The following VTCN1 variants were observed in gnomAD, a reference collection of about 807,000 sequenced individuals.
VTCN1 encodes V-set domain containing T cell activation inhibitor 1.
A neutral mutation model predicts 26.5 loss-of-function variants in VTCN1; 26 were observed. The observed-to-expected ratio is 0.98, with a 90% CI of 0.72 to 1.36. VTCN1 has a LOEUF of 1.36. Ranked by LOEUF, VTCN1 falls within the 40% of genes most tolerant of loss-of-function variation. The pLI, the probability that VTCN1 is intolerant of heterozygous loss-of-function variation, is 0.00. For missense variants in VTCN1, 298 were observed against 337.7 expected (o/e 0.88, Z 0.92); for synonymous variants, 116 against 130.7 (o/e 0.89, Z 0.77).
chr1:117,204,516 T>C (rs1648944874), intron 1 of VTCN1, among the ~76,000 whole-genome samples: 1 of 152,144 alleles, frequency 6.6e-6, no homozygotes, highest in Admixed American at 6.5e-5. Flanking sequence ...AAATGTGGTC[T>C]GCTAGGGTCC....
At chr1:117,201,849 T>C (rs1029550575) in intron 1 of VTCN1, among the ~76,000 whole-genome samples, 27 of 152,234 alleles carry the variant, frequency 1.8e-4, no homozygotes, top group African/African-American at 6.0e-4. Context: ...TCATTAATAT[T>C]TGGTCTCTCT....
chr1:117,196,596 T>C (rs1275978669), intron 1 of VTCN1, among the ~76,000 whole-genome samples: 2 of 147,802 alleles, frequency 1.4e-5, no homozygotes, highest in Admixed American at 1.4e-4. Flanking sequence ...AACTCTGCCT[T>C]TTTTTTTTTA....
Position 117,175,379 on chromosome 1 carries a change from C to A in VTCN1, c.33-5208G>T, listed in dbSNP as rs1647277632. 6.6e-6 allele frequency among the ~76,000 whole-genome samples: 1 copy of A among 152,200 alleles called. No homozygotes were observed. Among genetic ancestry groups the A allele is most frequent in the African/African-American group, 2.4e-5 (1 of 41,462 alleles). ...TATAATAAAATAAACACTCCCGCTG[C>A]TGGGTGCTGTGAGCCGGCGTGGTCG... On this transcript the variant is annotated intron_variant, in intron 1 of 5. Coordinates refer to ENST00000369458, the MANE Select transcript of VTCN1 (RefSeq NM_024626.4). The surrounding 1 kb of genome is among the most constrained non-coding windows in gnomAD (Gnocchi z 4.2).
In VTCN1 at chr1:117,161,817, A is replaced by G. The variant is rs1652382538; in HGVS notation, c.98-4896T>C. Among the ~76,000 whole-genome samples, 1 of 152,214 alleles carries G rather than the reference A, an allele frequency of 6.6e-6. No individual in the cohort carries two copies. Among genetic ancestry groups the G allele is most frequent in the Non-Finnish European group, 1.5e-5 (1 of 68,036 alleles). ...ATAAAATCATGAATCAAATACAACT[A>G]TGTTACAGCAAAGGTAAATTTGATG... On this transcript the variant is annotated intron_variant, in intron 2 of 5. Transcript: ENST00000369458. This position sits in a 1 kb window ranked among gnomAD's most constrained non-coding sequence, Gnocchi z 4.3.
intron 2 of VTCN1, among the ~76,000 whole-genome samples, chr1:117,166,668 A>G (rs1326180405): frequency 6.6e-6 from 1 of 151,274 alleles, no homozygotes; most frequent in Non-Finnish European, 1.5e-5. Context: ...AAAAAAAAAA[A>G]AGAAAGAAAA....
At chr1:117,189,811 C>T (rs10923218) in intron 1 of VTCN1, among the ~76,000 whole-genome samples, 117,551 of 152,032 alleles carry the variant, frequency 0.77, 45,675 homozygotes, top group East Asian at 0.99. Context: ...TATTCCCCCA[C>T]AGCAATGTTA....
intron 2 of VTCN1, among the ~76,000 whole-genome samples, chr1:117,158,354 T>C (rs892785969): frequency 2.6e-5 from 4 of 152,204 alleles, no homozygotes; most frequent in Non-Finnish European, 5.9e-5. Flanking sequence ...TAGGTGGAGG[T>C]TCGCAAACCC....
Position 117,189,419 on chromosome 1 carries a change from G to C in VTCN1, c.33-19248C>G, listed in dbSNP as rs892409340. Among the ~76,000 whole-genome samples the C allele has an allele frequency of 7.2e-5, 11 of 152,180 alleles. 1 individual carries two copies. The highest frequency in any genetic ancestry group is 7.2e-4 in the Admixed American group (11 of 15,284). On this transcript the variant is annotated intron_variant, in intron 1 of 5. Coordinates refer to ENST00000369458, the MANE Select transcript of VTCN1 (RefSeq NM_024626.4). ...AGATTTTCATGAGAAGTTGGGTAGAGAAAGAAAAGTCTGTGAGTATTTAAC... is the reference window on the plus strand; with the variant it reads ...AGATTTTCATGAGAAGTTGGGTAGACAAAGAAAAGTCTGTGAGTATTTAAC...
chr1:117,156,504 A>C, intron 3 of VTCN1, 70 bp downstream of exon 3: 1 of 1,418,874 alleles, frequency 7.0e-7, no homozygotes, highest in Non-Finnish European at 9.4e-7. Context: ...CATATTTCAT[A>C]AGCAACTCAT....
intron 1 of VTCN1, among the ~76,000 whole-genome samples, chr1:117,181,431 C>G (rs1184983118): frequency 6.6e-6 from 1 of 152,216 alleles, no homozygotes; most frequent in East Asian, 1.9e-4. Context: ...AGCTATTTTT[C>G]TAACCCTTCT....
chr1:117,167,578 G>T lies in VTCN1; in HGVS notation c.97+2529C>A, dbSNP rs1570954432. Among the ~76,000 whole-genome samples the T allele has an allele frequency of 6.6e-6, 1 of 152,326 alleles. No individual in the cohort carries two copies. Among genetic ancestry groups the T allele is most frequent in the Middle Eastern group, 3.4e-3 (1 of 294 alleles). On this transcript the variant is annotated intron_variant, in intron 2 of 5. Coordinates refer to ENST00000369458, the MANE Select transcript of VTCN1 (RefSeq NM_024626.4). This position sits in a 1 kb window ranked among gnomAD's most constrained non-coding sequence, Gnocchi z 4.1. The stretch of plus-strand genomic sequence containing the variant: ...CAAAATTCCACAACACCCAGTATTG[G>T]TGAGGGTGTGGAGAGCTTGATCTCT...
At chr1:117,195,262 AAATAATAATAAT>A (rs61710825) in intron 1 of VTCN1, among the ~76,000 whole-genome samples, 29 of 142,496 alleles carry the variant, frequency 2.0e-4, no homozygotes, top group Admixed American at 4.2e-4. Context: ...CTCCGTCTCA[AAATAATAATAAT>A]AATAATAATA....
chr1:117,188,143 G>A (rs1648044022), intron 1 of VTCN1, among the ~76,000 whole-genome samples: 1 of 152,194 alleles, frequency 6.6e-6, no homozygotes, highest in Admixed American at 6.5e-5. Context: ...TCTTGATGGG[G>A]TAAGGTGGGG....
rs772498136 is a variant in VTCN1 at position 117,175,221 on chromosome 1, C to G, written c.33-5050G>C. 1.8e-4 allele frequency among the ~76,000 whole-genome samples: 27 copies of G among 152,270 alleles called. No individual in the cohort carries two copies. The highest frequency in any genetic ancestry group is 1.5e-3 in the East Asian group (8 of 5,186). Reference sequence around the variant, plus strand: ...AAAATAGGCTTAAAGGCAGAGCGCTCGAAACCTATGCGACTTTGTAATTAG... The same window carrying G: ...AAAATAGGCTTAAAGGCAGAGCGCTGGAAACCTATGCGACTTTGTAATTAG... On this transcript the variant is annotated intron_variant, in intron 1 of 5. Coordinates refer to ENST00000369458, the MANE Select transcript of VTCN1 (RefSeq NM_024626.4). The surrounding 1 kb of genome is among the most constrained non-coding windows in gnomAD (Gnocchi z 4.2).
intron 1 of VTCN1, among the ~76,000 whole-genome samples, chr1:117,178,170 CT>C (rs1647465576): frequency 6.6e-6 from 1 of 151,870 alleles, no homozygotes; most frequent in South Asian, 2.1e-4. Flanking sequence ...AACTCCTAGC[CT>C]CAAGTGATCC....
At chr1:117,203,105 T>C (rs1296867023) in intron 1 of VTCN1, among the ~76,000 whole-genome samples, 1 of 152,040 alleles carries the variant, frequency 6.6e-6, no homozygotes, top group Non-Finnish European at 1.5e-5. Context: ...AATCCTCTGG[T>C]ACCAGGAGGG....
chr1:117,170,308 T>C (rs755176517), intron 1 of VTCN1, 137 bp from the exon 2 acceptor site: 3 of 851,530 alleles, frequency 3.5e-6, no homozygotes, highest in Admixed American at 3.4e-5. Flanking sequence ...CATAAGCTTG[T>C]TCCTAGAAAC....
intron 1 of VTCN1, chr1:117,173,256 C>T (rs1268390471): frequency 1.4e-6 from 1 of 702,346 alleles, no homozygotes; most frequent in Non-Finnish European, 2.7e-6. Flanking sequence ...AAATTCCGGA[C>T]ACAATTGCAG....
intron 2 of VTCN1, among the ~76,000 whole-genome samples, chr1:117,165,624 G>A (rs777735807): frequency 2.6e-5 from 4 of 151,990 alleles, no homozygotes; most frequent in Non-Finnish European, 4.4e-5. Context: ...GTTTCCCCTC[G>A]CCGTCCATCA....
Sources: gnomAD v4.1 joint callset for allele counts (sites outside exome capture counted in the v4.1 genomes callset) on GRCh38, gnomAD v4.1.1 for gene constraint, Gnocchi (gnomAD v3.1) non-coding constraint, MANE v1.5 for transcripts, NCBI Gene and HGNC (gene_info 2026-07-23, HGNC 2026-07-21) for gene names.